Variants in PFKL observed in about 807,000 individuals in gnomAD.
The protein encoded by PFKL is ATP-dependent 6-phosphofructokinase, liver type.
PFKL carries 74 observed loss-of-function variants against 92.1 expected under a neutral mutation model. The observed-to-expected ratio is 0.80, with a 90% confidence interval of 0.67 to 0.97. PFKL has a LOEUF of 0.97. Among genes scored for constraint, PFKL ranks in the 50% least tolerant of loss-of-function variants. The probability of loss-of-function intolerance (pLI) is 0.00; values close to 1 mark genes in which losing one functional copy is unlikely to be tolerated. For missense variants in PFKL, 1,028 were observed against 1,116.6 expected, an observed-to-expected ratio of 0.92 and a Z score of 1.13; for synonymous variants, 494 against 456.4, an observed-to-expected ratio of 1.08 and a Z score of -1.05.
At position 44,313,084 on chromosome 21, in the gene PFKL, G is replaced by A. The variant is rs777126312; in HGVS notation, c.534G>A (p.Thr178=). ...DFCGTDMTIG[T]DSALHRIMEV... is the part of the protein sequence containing the mutation. ...GCGGCACCGACATGACCATCGGCAC[G>A]GACTCGGCCCTCCACCGCATCATGG... The change falls in exon 5 of 22, where the codon ACG becomes ACA. Residue 178 remains threonine (T), a synonymous_variant. Coordinates refer to ENST00000349048, the MANE Select transcript of PFKL (RefSeq NM_002626.6). 2.5e-6 allele frequency: 4 copies of A among 1,612,646 alleles called. No homozygotes were observed. Among genetic ancestry groups the A allele is most frequent in the Admixed American group, 1.7e-5 (1 of 59,994 alleles).
At chr21:44,312,850 G>A in intron 4 of PFKL, 128 bp from the exon 5 acceptor site, 1 of 925,962 alleles carries the variant, frequency 1.1e-6, no homozygotes. Flanking sequence ...GGCTGAGCCT[G>A]GAACTCCGGG....
At position 44,324,673 on chromosome 21, in the gene PFKL, C is replaced by T. The variant is rs750927115; in HGVS notation, c.1815+18C>T. On this transcript the variant is annotated intron_variant, in intron 17 of 21. Transcript: ENST00000349048. ...ACTTAAAGGTGAGCCCAGCCCAGCC[C>T]CTGCTGCGGCAGACCTGCCGGCATG... is the stretch of plus-strand genomic sequence containing the variant. The T allele has an allele frequency of 4.7e-5, 73 of 1,569,106 alleles. 3 individuals are homozygous for T. The South Asian group carries it at 8.6e-4, about 18-fold the overall frequency.
chr21:44,316,697 GGTGTGTCTGT>G (rs1662998640), intron 9 of PFKL, among the ~76,000 whole-genome samples, 173 bp downstream of exon 9: 1 of 151,834 alleles, frequency 6.6e-6, no homozygotes, highest in African/African-American at 2.4e-5. Flanking sequence ...GGTCCTTGTG[GGTGTGTCTGT>G]GTGTGTCTGG....
In PFKL at chr21:44,313,218, C is replaced by T. The variant is rs567877001; in HGVS notation, c.593+75C>T. On this transcript the variant is annotated intron_variant, in intron 5 of 21. Coordinates refer to ENST00000349048, the MANE Select transcript of PFKL (RefSeq NM_002626.6). ...CGGTGGTGAGGTGGTCTCAGGGTGA[C>T]GGCCATCTGCAAGGGCAGTGGACTC... 87 of 1,514,788 alleles carry T rather than the reference C, an allele frequency of 5.7e-5. 2 individuals are homozygous for T. The highest frequency in any genetic ancestry group is 4.3e-4 in the South Asian group (37 of 86,866). 93.8% of individuals were successfully genotyped at this position (1,514,788 alleles called of 1,614,324 possible). A position where few individuals can be genotyped will look rare whatever the true frequency, so the allele number is the denominator to read the frequency against.
chr21:44,314,183 A>T, intron 7 of PFKL, 162 bp downstream of exon 7: 1 of 616,128 alleles, frequency 1.6e-6, no homozygotes, highest in Non-Finnish European at 2.9e-6. Context: ...GTGGGGGGCT[A>T]CGGGGCTGAC....
intron 3 of PFKL, 70 bp downstream of exon 3, chr21:44,311,153 C>A: frequency 1.8e-6 from 2 of 1,097,166 alleles, no homozygotes; most frequent in South Asian, 1.3e-5. Context: ...CAGACCTGCA[C>A]ACACAGACAC....
chr21:44,312,687 G>A (rs2047082279), intron 4 of PFKL, among the ~76,000 whole-genome samples: 3 of 152,256 alleles, frequency 2.0e-5, no homozygotes, highest in Admixed American at 6.5e-5. Flanking sequence ...TGCTTGGAAA[G>A]TGGCCTCTCG....
intron 2 of PFKL, among the ~76,000 whole-genome samples, chr21:44,307,577 G>C (rs759910981): frequency 6.6e-6 from 1 of 152,196 alleles, no homozygotes; most frequent in Admixed American, 6.5e-5. Flanking sequence ...CTCACTGCTC[G>C]CTGCTGACCA....
intron 2 of PFKL, chr21:44,307,124 A>T: frequency 5.4e-6 from 1 of 184,428 alleles, no homozygotes; most frequent in South Asian, 2.0e-4. Context: ...TCCCGCCCCG[A>T]GGCCTCTGTG....
chr21:44,323,216 C>A (rs1225015980), intron 15 of PFKL, among the ~76,000 whole-genome samples, 167 bp downstream of exon 15: 1 of 151,540 alleles, frequency 6.6e-6, no homozygotes, highest in Non-Finnish European at 1.5e-5. Flanking sequence ...CACCCGTGTG[C>A]CAGCTGGGCT....
chr21:44,322,774 G>A (rs2047390303), intron 14 of PFKL, among the ~76,000 whole-genome samples, 188 bp from the exon 15 acceptor site: 1 of 152,206 alleles, frequency 6.6e-6, no homozygotes, highest in Non-Finnish European at 1.5e-5. Context: ...GCTGAGTGGT[G>A]CCCAGGCGGC....
intron 1 of PFKL, chr21:44,304,189 T>C (rs765139599): frequency 1.1e-4 from 139 of 1,283,766 alleles, no homozygotes; most frequent in Non-Finnish European, 1.3e-4. Flanking sequence ...AAAGCAGGTT[T>C]TATTTTGCAG....
Position 44,325,236 on chromosome 21 carries a change from G to A in PFKL, c.1961G>A (p.Arg654Lys). 1 of 1,612,314 alleles carries A rather than the reference G, an allele frequency of 6.2e-7. No homozygotes were observed. The highest frequency in any genetic ancestry group is 8.5e-7 in the Non-Finnish European group (1 of 1,179,040). ...SSEGKGVFDC[R>K]TNVLGHLQQG... ...GAGGGCAAGGGCGTCTTCGACTGCA[G>A]GACCAATGTCCTGGGCCACCTGCAG... Residue 654 changes from arginine (R) to lysine (K), a missense_variant, in exon 19 of 22, where the codon AGG (arginine) becomes AAG (lysine). Physicochemically the swap from Arg to Lys is conservative, Grantham distance 26 (BLOSUM62 2). Coordinates refer to ENST00000349048, the MANE Select transcript of PFKL (RefSeq NM_002626.6).
rs548440770 is a variant in PFKL at position 44,321,450 on chromosome 21, C to T, written c.1192-279C>T. ...ACTGACCTGTGTTCCCGCCCGCAAGCCTGGCTTCACAACAGTGCTCGCCCC... is the reference window on the plus strand; with the variant it reads ...ACTGACCTGTGTTCCCGCCCGCAAGTCTGGCTTCACAACAGTGCTCGCCCC... On this transcript the variant is annotated intron_variant, in intron 12 of 21. Coordinates refer to ENST00000349048, the MANE Select transcript of PFKL (RefSeq NM_002626.6). 2.9e-5 allele frequency: 7 copies of T among 241,468 alleles called. No individual in the cohort carries two copies. In the South Asian group the frequency reaches 8.7e-4, roughly 30 times the overall value. 15.0% of individuals were successfully genotyped at this position (241,468 alleles called of 1,614,324 possible). A position where few individuals can be genotyped will look rare whatever the true frequency, so the allele number is the denominator to read the frequency against.
At chr21:44,317,528 G>A (rs1035676181) in intron 9 of PFKL, among the ~76,000 whole-genome samples, 7 of 152,194 alleles carry the variant, frequency 4.6e-5, no homozygotes, top group South Asian at 2.1e-4. Flanking sequence ...TGCTGTGACC[G>A]GGCCAGCCAT....
At chr21:44,314,591 TG>T (rs59411895) in intron 7 of PFKL, 47,121 of 104,478 alleles carry the variant, frequency 0.45, 8,540 homozygotes, top group African/African-American at 0.6. Flanking sequence ...CTGGGAGGGA[TG>T]GGGGGGTGCC....
chr21:44,309,376 G>C (rs2041049089), intron 2 of PFKL, among the ~76,000 whole-genome samples: 1 of 152,144 alleles, frequency 6.6e-6, no homozygotes, highest in Non-Finnish European at 1.5e-5. Flanking sequence ...GGCCTGCAGG[G>C]GTGAGAGGAG....
intron 19 of PFKL, chr21:44,325,471 GGGGCCCGAGCCA>G: frequency 1.7e-6 from 1 of 582,858 alleles, no homozygotes; most frequent in Non-Finnish European, 3.1e-6. Flanking sequence ...GGCTGGAGCC[GGGGCCCGAGCCA>G]GGGCATTCAC....
At chr21:44,321,000 C>CG (rs1226457895) in intron 12 of PFKL, 2 of 152,264 alleles carry the variant, frequency 1.3e-5, no homozygotes, top group African/African-American at 2.4e-5. Context: ...AGCTAGTCAG[C>CG]GGGCTCTACC....
Sources: gnomAD v4.1 joint callset for allele counts (sites outside exome capture counted in the v4.1 genomes callset) on GRCh38, gnomAD v4.1.1 for gene constraint, MANE v1.5 for transcripts, NCBI Gene and HGNC (gene_info 2026-07-23, HGNC 2026-07-21) for gene names.